Variants in LRRC4C observed in about 807,000 individuals in gnomAD.
The protein encoded by LRRC4C is leucine-rich repeat-containing protein 4C.
LRRC4C carries 5 observed loss-of-function variants against 33.6 expected under a neutral mutation model. The ratio of observed to expected loss-of-function variants is 0.15; its 90% CI spans 0.08 to 0.31. The LOEUF (loss-of-function observed/expected upper bound fraction) is 0.31. Among genes scored for constraint, LRRC4C ranks in the 10% least tolerant of loss-of-function variants. The pLI, the probability that LRRC4C is intolerant of heterozygous loss-of-function variation, is 1.00. For missense variants in LRRC4C, 560 were observed against 796.7 expected (o/e 0.70, Z 3.58); for synonymous variants, 329 against 302.0 (o/e 1.09, Z -0.93).
At chr11:41,016,441 TAAGG>T (rs1855589607) in intron 1 of LRRC4C, among the ~76,000 whole-genome samples, 1 of 152,182 alleles carries the variant, frequency 6.6e-6, no homozygotes, top group African/African-American at 2.4e-5. Context: ...GTAAAACAGA[TAAGG>T]AAGAACAGAA....
chr11:40,547,916 T>C (rs1047817903), intron 3 of LRRC4C, among the ~76,000 whole-genome samples: 1 of 152,104 alleles, frequency 6.6e-6, no homozygotes, highest in Non-Finnish European at 1.5e-5. Context: ...CCAGACACTG[T>C]TCTAGTGATT....
intron 3 of LRRC4C, among the ~76,000 whole-genome samples, chr11:40,469,369 G>C (rs986080050): frequency 6.6e-6 from 1 of 152,114 alleles, no homozygotes; most frequent in African/African-American, 2.4e-5. Flanking sequence ...TGCTTTTCCC[G>C]TGGTCTTCGC....
intron 1 of LRRC4C, among the ~76,000 whole-genome samples, chr11:41,035,994 T>A (rs950457780): frequency 2.0e-5 from 3 of 152,148 alleles, no homozygotes; most frequent in Admixed American, 2.0e-4. Context: ...TATAGAAATG[T>A]AACTATACAA....
intron 2 of LRRC4C, among the ~76,000 whole-genome samples, chr11:40,814,471 C>T (rs1192800288): frequency 1.3e-5 from 2 of 152,082 alleles, no homozygotes; most frequent in Non-Finnish European, 2.9e-5. Context: ...GCCTCCATGC[C>T]TGTGATGGGA....
chr11:40,637,696 T>C (rs1941834858), intron 3 of LRRC4C, among the ~76,000 whole-genome samples: 1 of 152,190 alleles, frequency 6.6e-6, no homozygotes, highest in African/African-American at 2.4e-5. Flanking sequence ...AAAATATATA[T>C]AGAATCCAAC....
In LRRC4C at chr11:41,442,458, C is replaced by CTTTTTTTT. The variant is rs775679545; in HGVS notation, c.-496+16965_-496+16972dup. 8.1e-3 allele frequency among the ~76,000 whole-genome samples: 678 copies of CTTTTTTTT among 84,034 alleles called. 11 individuals are homozygous for CTTTTTTTT. The highest frequency in any genetic ancestry group is 0.012 in the African/African-American group (243 of 20,812). The allele number at this position is 84,034 out of a possible 152,430, so 55.1% of individuals were successfully genotyped here. Reference sequence around the variant, plus strand: ...AGTTCTCTCTCTTTGTTGCTTTTTTCTTTTTTTTTTTTTTTTTTTTTTTTT... The same window carrying CTTTTTTTT: ...AGTTCTCTCTCTTTGTTGCTTTTTTCTTTTTTTTTTTTTTTTTTTTTTTTTTTTTTTTT... On this transcript the variant is annotated intron_variant, in intron 1 of 6. Coordinates refer to ENST00000528697, the MANE Select transcript of LRRC4C (RefSeq NM_001258419.2).
intron 1 of LRRC4C, among the ~76,000 whole-genome samples, chr11:40,940,925 C>CT (rs35666750): frequency 2.4e-4 from 31 of 131,632 alleles, no homozygotes; most frequent in South Asian, 9.6e-4. Flanking sequence ...GTTACAAAAT[C>CT]TTTTTTTTTT....
chr11:40,444,472 C>A (rs1376206189), intron 3 of LRRC4C, among the ~76,000 whole-genome samples: 1 of 151,192 alleles, frequency 6.6e-6, no homozygotes, highest in African/African-American at 2.4e-5. Context: ...TCCGAATAAG[C>A]ATCTATTGAT....
intron 3 of LRRC4C, among the ~76,000 whole-genome samples, chr11:40,412,733 G>C (rs1334551596): frequency 6.6e-6 from 1 of 152,004 alleles, no homozygotes; most frequent in Non-Finnish European, 1.5e-5. Context: ...GGCTATGAAG[G>C]CTCAAATTCT....
chr11:40,700,425 C>T (rs899923529), intron 2 of LRRC4C, among the ~76,000 whole-genome samples: 1 of 152,098 alleles, frequency 6.6e-6, no homozygotes, highest in African/African-American at 2.4e-5. Context: ...AGAAATATCA[C>T]AATCACAATG....
In LRRC4C at chr11:40,391,976, A is replaced by T. The variant is rs114918254; in HGVS notation, c.-269-72255T>A. On this transcript the variant is annotated intron_variant, in intron 3 of 6. Coordinates refer to ENST00000528697, the MANE Select transcript of LRRC4C (RefSeq NM_001258419.2). Reference sequence around the variant, plus strand: ...TATTATTCATCAGTACAAAGAAATGAGCTATCAATCCAAGAAAATACATGG... The same window carrying T: ...TATTATTCATCAGTACAAAGAAATGTGCTATCAATCCAAGAAAATACATGG... Among the ~76,000 whole-genome samples the T allele has an allele frequency of 7.3e-3, 1,118 of 152,306 alleles. 13 individuals are homozygous for T. Among genetic ancestry groups the T allele is most frequent in the African/African-American group, 0.025 (1,057 of 41,574 alleles).
rs111277293 is a variant in LRRC4C, at chr11:40,968,021, C to T, written c.-495-34298G>A. On this transcript the variant is annotated intron_variant, in intron 1 of 6. Coordinates refer to ENST00000528697, the MANE Select transcript of LRRC4C (RefSeq NM_001258419.2). ...GGATGTTGAAAGGTCAAAAGCTAGG[C>T]CTCTTGTGCAAAACAGTTAGTCAAG... Among the ~76,000 whole-genome samples the T allele has an allele frequency of 8.0e-3, 1,217 of 152,000 alleles. 7 individuals are homozygous for T. The highest frequency in any genetic ancestry group is 0.017 in the Middle Eastern group (5 of 294).
chr11:41,191,483 A>C (rs566911210), intron 1 of LRRC4C, among the ~76,000 whole-genome samples: 3 of 152,292 alleles, frequency 2.0e-5, no homozygotes, highest in Non-Finnish European at 2.9e-5. Flanking sequence ...AGTGAAAAGA[A>C]AAAGTGGACA....
intron 1 of LRRC4C, among the ~76,000 whole-genome samples, chr11:40,939,239 A>T (rs1321329132): frequency 1.3e-5 from 2 of 152,198 alleles, no homozygotes; most frequent in Non-Finnish European, 2.9e-5. Context: ...ATTTAATTTT[A>T]AAAAGGTGGC....
At chr11:40,346,133 C>G (rs1285765095) in intron 3 of LRRC4C, among the ~76,000 whole-genome samples, 1 of 152,128 alleles carries the variant, frequency 6.6e-6, no homozygotes, top group South Asian at 2.1e-4. Context: ...TTGCAGAAGA[C>G]GGTGTGGTGA....
intron 2 of LRRC4C, among the ~76,000 whole-genome samples, chr11:40,667,750 G>C (rs75319794): frequency 0.02 from 3,097 of 152,204 alleles, 103 homozygotes; most frequent in African/African-American, 0.071. Context: ...ATTGAATTAG[G>C]CCAACAACAA....
chr11:41,173,824 A>G (rs1172238121), intron 1 of LRRC4C, among the ~76,000 whole-genome samples: 15 of 152,178 alleles, frequency 9.9e-5, no homozygotes, highest in Non-Finnish European at 1.5e-5. Context: ...AAATGTTTAT[A>G]TTTTTATTTA....
chr11:40,758,265 C>T (rs927037074), intron 2 of LRRC4C, among the ~76,000 whole-genome samples: 6 of 151,920 alleles, frequency 3.9e-5, no homozygotes, highest in Non-Finnish European at 8.8e-5. Flanking sequence ...AATTATGCCT[C>T]CTACCAATGG....
chr11:40,978,373 G>C (rs1440453729), intron 1 of LRRC4C, among the ~76,000 whole-genome samples: 1 of 152,072 alleles, frequency 6.6e-6, no homozygotes, highest in African/African-American at 2.4e-5. Context: ...CTACTCTCTG[G>C]TTCTTAACTG....
Sources: allele counts gnomAD v4.1 joint callset (sites outside exome capture counted in the v4.1 genomes callset), GRCh38; gene constraint gnomAD v4.1.1; transcripts MANE v1.5; gene names NCBI Gene and HGNC (gene_info 2026-07-23, HGNC 2026-07-21).